Variants in NTN1 observed in about 807,000 individuals in gnomAD.
The protein encoded by NTN1 is netrin 1.
NTN1 carries 11 observed loss-of-function variants against 54.2 expected under a neutral mutation model. The observed-to-expected ratio is 0.20, with a 90% CI of 0.13 to 0.34. NTN1 has a LOEUF of 0.34. NTN1 is among the 10% of genes least tolerant of loss of function. The probability of loss-of-function intolerance (pLI) is 1.00; values close to 1 mark genes in which losing one functional copy is unlikely to be tolerated. For synonymous variants in NTN1, 371 were observed against 382.0 expected (o/e 0.97, Z 0.33); for missense variants, 740 against 893.1 (o/e 0.83, Z 2.18).
At chr17:9,090,630 G>T (rs886727196) in intron 2 of NTN1, among the ~76,000 whole-genome samples, 3 of 152,102 alleles carry the variant, frequency 2.0e-5, no homozygotes, top group Non-Finnish European at 1.5e-5. Context: ...AGCCACTCAG[G>T]AGACCTTGCT....
At chr17:9,161,167 G>T (rs988193006) in intron 2 of NTN1, among the ~76,000 whole-genome samples, 7 of 152,198 alleles carry the variant, frequency 4.6e-5, no homozygotes, top group African/African-American at 1.7e-4. Context: ...GTGAGGCCAT[G>T]CTGGGTGCCC....
intron 2 of NTN1, among the ~76,000 whole-genome samples, chr17:9,116,788 G>A (rs1280376006): frequency 6.6e-6 from 1 of 152,164 alleles, no homozygotes; most frequent in Non-Finnish European, 1.5e-5. Flanking sequence ...CTCCAGAAAA[G>A]GTGATGAGAA....
intron 3 of NTN1, 23 bp from the exon 4 acceptor site, chr17:9,179,784 C>T: frequency 6.2e-7 from 1 of 1,609,702 alleles, no homozygotes; most frequent in Non-Finnish European, 8.5e-7. Flanking sequence ...TTGTCTGACC[C>T]TCCCATTTTG....
intron 2 of NTN1, among the ~76,000 whole-genome samples, chr17:9,115,743 A>G (rs1396331589): frequency 6.6e-6 from 1 of 152,180 alleles, no homozygotes; most frequent in Non-Finnish European, 1.5e-5. Context: ...AAACGAACGG[A>G]TGGGCCGTGG....
chr17:9,172,373 G>A (rs1241827622), intron 3 of NTN1, among the ~76,000 whole-genome samples: 1 of 152,050 alleles, frequency 6.6e-6, no homozygotes. Flanking sequence ...CCAGCTACTC[G>A]GGAGGCTGAG....
chr17:9,044,602 A>T (rs1019711235), intron 2 of NTN1, among the ~76,000 whole-genome samples: 2 of 151,806 alleles, frequency 1.3e-5, no homozygotes, highest in Non-Finnish European at 2.9e-5. Flanking sequence ...ATGTAAGATC[A>T]CCTCTTGTCA....
At chr17:9,111,204 G>A (rs922928791) in intron 2 of NTN1, among the ~76,000 whole-genome samples, 1 of 152,130 alleles carries the variant, frequency 6.6e-6, no homozygotes, top group African/African-American at 2.4e-5. Context: ...CCAAAGTGCT[G>A]GGATTACAGG....
chr17:9,009,646 T>A, the NTN1 span, among the ~76,000 whole-genome samples: 1 of 152,260 alleles, frequency 6.6e-6, no homozygotes, highest in Non-Finnish European at 1.5e-5. Context: ...ATACCTCATT[T>A]TACTGACATT....
chr17:9,144,144 T>C, intron 2 of NTN1, among the ~76,000 whole-genome samples: 1 of 152,018 alleles, frequency 6.6e-6, no homozygotes, highest in East Asian at 1.9e-4. Flanking sequence ...GATCCACCCA[T>C]CTCGGCCTCC....
At chr17:9,089,717 C>T (rs2092103151) in intron 2 of NTN1, among the ~76,000 whole-genome samples, 1 of 152,142 alleles carries the variant, frequency 6.6e-6, no homozygotes, top group African/African-American at 2.4e-5. Flanking sequence ...TCTACCTCTG[C>T]TCATCCCAAA....
At chr17:9,218,389 G>T (rs1432101397) in intron 5 of NTN1, among the ~76,000 whole-genome samples, 1 of 152,238 alleles carries the variant, frequency 6.6e-6, no homozygotes, top group African/African-American at 2.4e-5. Context: ...CGCCTCATTA[G>T]TTTCGTGAGA....
chr17:9,092,632 G>C (rs1272163618), intron 2 of NTN1, among the ~76,000 whole-genome samples: 1 of 151,708 alleles, frequency 6.6e-6, no homozygotes, highest in African/African-American at 2.4e-5. Flanking sequence ...ATCACTCTGT[G>C]GCCCAGGCTG....
chr17:9,207,046 G>T lies in NTN1; in HGVS notation c.1412-14122G>T, dbSNP rs74972252. Reference sequence around the variant, plus strand: ...GAATTGCTCGGCTGAGGGTCACTTTGTCTGCCGCACAGTGGTGGCAGCTGC... The same window carrying T: ...GAATTGCTCGGCTGAGGGTCACTTTTTCTGCCGCACAGTGGTGGCAGCTGC... On this transcript the variant is annotated intron_variant, in intron 5 of 6. Transcript: ENST00000173229. Among the ~76,000 whole-genome samples, 639 of 152,264 alleles carry T rather than the reference G, an allele frequency of 4.2e-3. 2 individuals carry two copies. The highest frequency in any genetic ancestry group is 0.014 in the African/African-American group (602 of 41,534).
Position 9,141,195 on chromosome 17 carries a change from G to A in NTN1, c.1019-21618G>A, listed in dbSNP as rs192232756. ...ATATATTTGGGAGTCATTTCCCCCC[G>A]AGAAGACAGATCATTGAATTGGGGG... On this transcript the variant is annotated intron_variant, in intron 2 of 6. Coordinates refer to ENST00000173229, the MANE Select transcript of NTN1 (RefSeq NM_004822.3). 7.7e-4 allele frequency among the ~76,000 whole-genome samples: 117 copies of A among 152,000 alleles called. 1 individual carries two copies. Among genetic ancestry groups the A allele is most frequent in the South Asian group, 7.3e-3 (35 of 4,764 alleles).
chr17:9,060,289 T>G (rs1319742514), intron 2 of NTN1, among the ~76,000 whole-genome samples: 3 of 152,232 alleles, frequency 2.0e-5, no homozygotes, highest in Non-Finnish European at 2.9e-5. Flanking sequence ...TTTCTCTTCC[T>G]TATGGTTTTC....
chr17:9,117,600 C>T (rs1045434969), intron 2 of NTN1, among the ~76,000 whole-genome samples: 4 of 151,864 alleles, frequency 2.6e-5, no homozygotes, highest in African/African-American at 9.7e-5. Context: ...GAAAATTAGC[C>T]AGGTGTGGTG....
At chr17:9,188,661 C>T (rs928230050) in intron 5 of NTN1, among the ~76,000 whole-genome samples, 2 of 152,110 alleles carry the variant, frequency 1.3e-5, no homozygotes, top group African/African-American at 4.8e-5. Flanking sequence ...CGGAAGTCGT[C>T]TGTCGTCTTC....
intron 2 of NTN1, among the ~76,000 whole-genome samples, chr17:9,067,177 G>T (rs1037430403): frequency 2.6e-5 from 4 of 151,086 alleles, no homozygotes; most frequent in African/African-American, 7.3e-5. Context: ...TGAGGCATGA[G>T]AATTGCTTGA....
At chr17:9,088,798 G>C (rs1007317864) in intron 2 of NTN1, among the ~76,000 whole-genome samples, 2 of 152,184 alleles carry the variant, frequency 1.3e-5, no homozygotes, top group African/African-American at 4.8e-5. Flanking sequence ...GGTTCAATCT[G>C]TTGTTCTCCT....
Sources: gnomAD v4.1 joint callset for allele counts (sites outside exome capture counted in the v4.1 genomes callset) on GRCh38, gnomAD v4.1.1 for gene constraint, MANE v1.5 for transcripts, NCBI Gene and HGNC (gene_info 2026-07-23, HGNC 2026-07-21) for gene names.